Variants in ADAMTSL1 observed in about 807,000 individuals in gnomAD.
ADAMTSL1 encodes the protein ADAMTS like 1.
ADAMTSL1 carries 126 observed loss-of-function variants against 201.8 expected under a neutral mutation model. That is an observed-to-expected ratio of 0.62 (90% confidence interval 0.54 to 0.72). The LOEUF (loss-of-function observed/expected upper bound fraction) is 0.72. ADAMTSL1 is among the 30% of genes least tolerant of loss of function. The pLI, the probability that ADAMTSL1 is intolerant of heterozygous loss-of-function variation, is 0.00. For synonymous variants in ADAMTSL1, 1,121 were observed against 903.4 expected, an observed-to-expected ratio of 1.24 and a Z score of -4.32; for missense variants, 2,679 against 2,277.8, an observed-to-expected ratio of 1.18 and a Z score of -3.59.
chr9:18,178,274 C>G (rs951482347), intron 2 of ADAMTSL1, among the ~76,000 whole-genome samples: 1 of 152,160 alleles, frequency 6.6e-6, no homozygotes, highest in African/African-American at 2.4e-5. Context: ...CAGACGGCAC[C>G]TGGAAAATCG....
intron 1 of ADAMTSL1, among the ~76,000 whole-genome samples, chr9:18,151,747 TGGCCCAAAACACAAAA>T (rs1427671405): frequency 4.0e-5 from 6 of 150,436 alleles, no homozygotes; most frequent in African/African-American, 7.3e-5. Flanking sequence ...AAAACACATG[TGGCCCAAAACACAAAA>T]GGCCCAAAAC....
intron 2 of ADAMTSL1, among the ~76,000 whole-genome samples, chr9:18,271,874 G>T (rs917307672): frequency 6.6e-6 from 1 of 152,016 alleles, no homozygotes; most frequent in Non-Finnish European, 1.5e-5. Flanking sequence ...CATTCTAACT[G>T]GTGTGAGATG....
At chr9:18,447,559 A>T (rs1184956055) in intron 2 of ADAMTSL1, among the ~76,000 whole-genome samples, 1 of 152,198 alleles carries the variant, frequency 6.6e-6, no homozygotes, top group African/African-American at 2.4e-5. Flanking sequence ...TAAAGCAATG[A>T]CATTGTCCTG....
intron 2 of ADAMTSL1, among the ~76,000 whole-genome samples, chr9:18,297,656 G>A (rs185521103): frequency 2.0e-5 from 3 of 152,196 alleles, no homozygotes; most frequent in Non-Finnish European, 4.4e-5. Flanking sequence ...TCTGTCTTTC[G>A]CTGCTGGTTA....
chr9:18,182,565 CT>C (rs2132186367), intron 2 of ADAMTSL1, among the ~76,000 whole-genome samples: 1 of 152,288 alleles, frequency 6.6e-6, no homozygotes, highest in Admixed American at 6.5e-5. Flanking sequence ...TACTTTATGC[CT>C]GATGCTGGCC....
At chr9:18,830,729 TG>T (rs996416267) in intron 23 of ADAMTSL1, among the ~76,000 whole-genome samples, 3 of 151,098 alleles carry the variant, frequency 2.0e-5, no homozygotes, top group Admixed American at 6.6e-5. Flanking sequence ...AAAGGCCTGG[TG>T]GGGGGGTGGG....
intron 25 of ADAMTSL1, chr9:18,890,463 G>A: frequency 2.2e-6 from 1 of 455,576 alleles, no homozygotes; most frequent in Non-Finnish European, 4.4e-6. Flanking sequence ...TGAGAGCCTG[G>A]GGGGATGTGG....
chr9:18,041,687 C>A (rs1477069102), intron 1 of ADAMTSL1, among the ~76,000 whole-genome samples: 1 of 151,976 alleles, frequency 6.6e-6, no homozygotes, highest in Non-Finnish European at 1.5e-5. Context: ...TATTCCTAAC[C>A]AAACTGATAA....
intron 1 of ADAMTSL1, among the ~76,000 whole-genome samples, chr9:17,951,326 T>C (rs1827720072): frequency 6.6e-6 from 1 of 152,130 alleles, no homozygotes; most frequent in South Asian, 2.1e-4. Context: ...CTGCCCAGAG[T>C]TTCTCCGGAG....
intron 2 of ADAMTSL1, among the ~76,000 whole-genome samples, chr9:18,530,358 A>G (rs1039152978): frequency 2.6e-5 from 4 of 152,140 alleles, no homozygotes; most frequent in Non-Finnish European, 4.4e-5. Flanking sequence ...TTTAAAAAGG[A>G]TGAAAAACAT....
At chr9:18,370,421 G>A (rs531544328) in intron 2 of ADAMTSL1, among the ~76,000 whole-genome samples, 8 of 152,124 alleles carry the variant, frequency 5.3e-5, no homozygotes, top group African/African-American at 1.4e-4. Flanking sequence ...CAACATATCC[G>A]TATGAAAACC....
At chr9:18,464,775 G>A (rs369324802) in intron 2 of ADAMTSL1, among the ~76,000 whole-genome samples, 13 of 152,084 alleles carry the variant, frequency 8.5e-5, no homozygotes, top group African/African-American at 1.4e-4. Context: ...CTCATTTAGC[G>A]TAAAATTGCA....
chr9:18,197,676 T>G (rs1289355509), intron 2 of ADAMTSL1, among the ~76,000 whole-genome samples: 2 of 150,290 alleles, frequency 1.3e-5, no homozygotes, highest in South Asian at 2.1e-4. Flanking sequence ...TTTATTTCCT[T>G]CTCCTGCCTA....
intron 23 of ADAMTSL1, among the ~76,000 whole-genome samples, chr9:18,853,918 T>TGTGTGTGTGTGTGTGCGCGCGCGC (rs139332733): frequency 1.4e-5 from 2 of 145,382 alleles, no homozygotes; most frequent in East Asian, 4.0e-4. Context: ...TGTGTGTGTG[T>TGTGTGTGTGTGTGTGCGCGCGCGC]GCGCGTGCAT....
chr9:17,994,677 G>T (rs1394523828), intron 1 of ADAMTSL1, among the ~76,000 whole-genome samples: 1 of 152,170 alleles, frequency 6.6e-6, no homozygotes, highest in Non-Finnish European at 1.5e-5. Flanking sequence ...AAATCTGAAT[G>T]CTGTCAGGTC....
chr9:17,907,888 G>C (rs1218443435), intron 1 of ADAMTSL1, among the ~76,000 whole-genome samples: 1 of 152,060 alleles, frequency 6.6e-6, no homozygotes, highest in African/African-American at 2.4e-5. Flanking sequence ...GGATTACTTG[G>C]GTAATTCTGG....
At chr9:18,186,534 A>G (rs868038091) in intron 2 of ADAMTSL1, among the ~76,000 whole-genome samples, 1 of 152,250 alleles carries the variant, frequency 6.6e-6, no homozygotes, top group African/African-American at 2.4e-5. Context: ...ATGGGTATGT[A>G]ATGCCCCACC....
At position 18,770,015 on chromosome 9, in the gene ADAMTSL1, G is replaced by T. The variant is rs117886516; in HGVS notation, c.2218-587G>T. Among the ~76,000 whole-genome samples the T allele has an allele frequency of 6.8e-4, 103 of 152,182 alleles. No individual in the cohort carries two copies. In the East Asian group the frequency reaches 0.018, roughly 27 times the overall value. On this transcript the variant is annotated intron_variant, in intron 16 of 28. Transcript: ENST00000380548. ...CCACTGACATGAGGCCATTTTTCTTGCATCCCAAATTTCAGTGGCTCTGGC... is the reference window on the plus strand; with the variant it reads ...CCACTGACATGAGGCCATTTTTCTTTCATCCCAAATTTCAGTGGCTCTGGC...
intron 2 of ADAMTSL1, among the ~76,000 whole-genome samples, chr9:18,406,272 C>T (rs887025906): frequency 8.6e-6 from 1 of 116,052 alleles, no homozygotes; most frequent in African/African-American, 2.8e-5. Flanking sequence ...TGGTATGGCT[C>T]ATTGGTATAA....
Sources: allele counts gnomAD v4.1 joint callset (sites outside exome capture counted in the v4.1 genomes callset), GRCh38; gene constraint gnomAD v4.1.1; transcripts MANE v1.5; gene names NCBI Gene and HGNC (gene_info 2026-07-23, HGNC 2026-07-21).